Variants in CRBN observed in about 807,000 individuals in gnomAD.
The protein encoded by CRBN is cereblon.
Under a neutral mutation model 62.2 loss-of-function variants are expected in CRBN, and 53 were observed. The ratio of observed to expected loss-of-function variants is 0.85; its 90% CI spans 0.68 to 1.07. CRBN has a LOEUF of 1.07. Ranked by LOEUF, CRBN falls within the 50% of genes least tolerant of loss-of-function variation. The pLI, the probability that CRBN is intolerant of heterozygous loss-of-function variation, is 0.00. For missense variants in CRBN, 616 were observed against 531.1 expected, an observed-to-expected ratio of 1.16 and a Z score of -1.57; for synonymous variants, 208 against 176.1, an observed-to-expected ratio of 1.18 and a Z score of -1.43.
intron 4 of CRBN, 85 bp downstream of exon 4, chr3:3,172,691 A>G (rs1194404334): frequency 2.1e-5 from 29 of 1,387,258 alleles, no homozygotes; most frequent in Middle Eastern, 3.6e-4. Context: ...ACAAAATATG[A>G]AGGCTCAGTA....
intron 4 of CRBN, among the ~76,000 whole-genome samples, chr3:3,169,226 G>A (rs928803772): frequency 6.6e-6 from 1 of 152,166 alleles, no homozygotes; most frequent in African/African-American, 2.4e-5. Context: ...CCTTTACCTG[G>A]TTAAACATGG....
chr3:3,153,826 A>G, intron 8 of CRBN, 134 bp downstream of exon 8: 2 of 686,270 alleles, frequency 2.9e-6, no homozygotes, highest in Non-Finnish European at 5.4e-6. Flanking sequence ...TTTGTTTGTA[A>G]GATCCCAATT....
At chr3:3,168,565 T>C (rs995783591) in intron 4 of CRBN, among the ~76,000 whole-genome samples, 2 of 152,158 alleles carry the variant, frequency 1.3e-5, no homozygotes, top group Admixed American at 6.6e-5. Context: ...AATATGTAAC[T>C]ATATTCAAAT....
At chr3:3,167,868 G>C in intron 4 of CRBN, 75 bp from the exon 5 acceptor site, 1 of 1,429,924 alleles carries the variant, frequency 7.0e-7, no homozygotes, top group Non-Finnish European at 9.8e-7. Flanking sequence ...TCTAAACAGT[G>C]ATAATTTTAA....
intron 9 of CRBN, 78 bp downstream of exon 9, chr3:3,153,346 G>A: frequency 1.1e-6 from 1 of 884,090 alleles, no homozygotes; most frequent in South Asian, 1.4e-5. Flanking sequence ...CTGGAGGAAA[G>A]TTTATGGAAA....
At chr3:3,177,349 A>G (rs1341962510) in intron 1 of CRBN, among the ~76,000 whole-genome samples, 2 of 152,244 alleles carry the variant, frequency 1.3e-5, no homozygotes, top group African/African-American at 4.8e-5. Flanking sequence ...ATGATTTTCA[A>G]TATGGTAACT....
chr3:3,153,907 G>A (rs1706753539), intron 8 of CRBN, 53 bp downstream of exon 8: 2 of 1,146,734 alleles, frequency 1.7e-6, no homozygotes, highest in Admixed American at 1.7e-5. Context: ...GAGCATCCTA[G>A]TTCTCCAGCC....
intron 9 of CRBN, chr3:3,153,126 G>C (rs1468634834): frequency 5.6e-6 from 2 of 356,402 alleles, no homozygotes; most frequent in East Asian, 6.4e-5. Flanking sequence ...ATCTATGTTA[G>C]GGCCTAATTG....
intron 5 of CRBN, among the ~76,000 whole-genome samples, chr3:3,161,964 A>G (rs1304177152): frequency 7.2e-5 from 11 of 152,224 alleles, no homozygotes; most frequent in Non-Finnish European, 5.9e-5. Flanking sequence ...CCTTCTGTAT[A>G]AGAAAGAAAT....
intron 4 of CRBN, among the ~76,000 whole-genome samples, chr3:3,171,108 T>C (rs913312389): frequency 5.3e-5 from 8 of 152,192 alleles, no homozygotes; most frequent in Non-Finnish European, 8.8e-5. Flanking sequence ...CGCGGCCTGA[T>C]GTTAATCTTT....
Position 3,174,171 on chromosome 3 carries a change from T to C in CRBN, c.265A>G (p.Met89Val), listed in dbSNP as rs768172056. 1.9e-6 allele frequency: 3 copies of C among 1,614,056 alleles called. No individual in the cohort carries two copies. The highest frequency in any genetic ancestry group is 1.3e-5 in the African/African-American group (1 of 74,934). Residue 89 changes from methionine to valine, a missense_variant, in exon 3 of 11, where the codon ATG becomes GTG. Met to Val is a conservative substitution (Grantham distance 21). Transcript: ENST00000231948. The part of the protein sequence containing the change: ...QVIPVLPQVM[M>V]ILIPGQTLPL... ...AATGTCTGTCCGGGAATCAGGATCATCATCACTTGTGGAAGAACTGGAATC... is the reference window on the plus strand; with the variant it reads ...AATGTCTGTCCGGGAATCAGGATCACCATCACTTGTGGAAGAACTGGAATC...
chr3:3,174,329 T>A, intron 2 of CRBN, 68 bp from the exon 3 acceptor site: 2 of 1,234,136 alleles, frequency 1.6e-6, no homozygotes, highest in Non-Finnish European at 2.4e-6. Context: ...CTCAACAGAC[T>A]AAAGAGCAAA....
intron 10 of CRBN, among the ~76,000 whole-genome samples, chr3:3,151,685 A>AAGAT (rs993636327): frequency 1.8e-4 from 27 of 152,318 alleles, no homozygotes; most frequent in African/African-American, 6.5e-4. Flanking sequence ...GGTGCCAAGT[A>AAGAT]AGATAGGGCA....
intron 5 of CRBN, among the ~76,000 whole-genome samples, chr3:3,161,948 A>G (rs1285298674): frequency 6.6e-6 from 1 of 152,238 alleles, no homozygotes; most frequent in Non-Finnish European, 1.5e-5. Context: ...AGAAAAAGGT[A>G]CGTATCCTTC....
At position 3,150,232 on chromosome 3, in the gene CRBN, T is replaced by G. The variant is rs764009623; in HGVS notation, c.*633A>C. 1 of 152,528 alleles carries G rather than the reference T, an allele frequency of 6.6e-6. No homozygotes were observed. Among genetic ancestry groups the G allele is most frequent in the Admixed American group, 6.5e-5 (1 of 15,324 alleles). The allele number at this position is 152,528 out of a possible 1,614,324, so 9.4% of individuals were successfully genotyped here. ...TACTGAGCAAATACACAATACTACT[T>G]TTTACTAACAGGCACATAAAGGAAA... On this transcript the variant is annotated 3_prime_UTR_variant, in exon 11 of 11. Transcript: ENST00000231948.
At chr3:3,165,387 T>C (rs1559250825) in intron 5 of CRBN, among the ~76,000 whole-genome samples, 1 of 152,176 alleles carries the variant, frequency 6.6e-6, no homozygotes, top group African/African-American at 2.4e-5. Flanking sequence ...AGGGATCTTT[T>C]GTGAAAGGAA....
chr3:3,173,043 C>A, intron 3 of CRBN, 118 bp from the exon 4 acceptor site: 1 of 789,968 alleles, frequency 1.3e-6, no homozygotes, highest in Non-Finnish European at 2.2e-6. Context: ...TACTACAAAG[C>A]TAGGATAATT....
chr3:3,153,814 AGTTT>A (rs906421148), intron 8 of CRBN, 142 bp downstream of exon 8: 17 of 671,572 alleles, frequency 2.5e-5, no homozygotes, highest in South Asian at 1.7e-4. Flanking sequence ...CAAAACAATG[AGTTT>A]GTTTGTAAGA....
chr3:3,179,711 T>G (rs775686073), upstream of CRBN: 4 of 1,610,032 alleles, frequency 2.5e-6, no homozygotes, highest in Non-Finnish European at 3.4e-6. Flanking sequence ...CAAAGGAGGC[T>G]GGGACAGGGC....
Sources: allele counts gnomAD v4.1 joint callset (sites outside exome capture counted in the v4.1 genomes callset), GRCh38; gene constraint gnomAD v4.1.1; transcripts MANE v1.5; gene names NCBI Gene and HGNC (gene_info 2026-07-23, HGNC 2026-07-21).